Variants in LUZP2 observed in about 807,000 individuals in gnomAD.
The protein encoded by LUZP2 is leucine zipper protein 2.
LUZP2 carries 52 observed loss-of-function variants against 51.6 expected under a neutral mutation model. The ratio of observed to expected loss-of-function variants is 1.01; its 90% confidence interval spans 0.81 to 1.27. The LOEUF (loss-of-function observed/expected upper bound fraction) is 1.27, where lower values mean the gene tolerates loss of function less well. Ranked by LOEUF, LUZP2 falls within the 50% of genes most tolerant of loss-of-function variation. LUZP2 has a pLI of 0.00. For missense variants in LUZP2, 436 were observed against 395.4 expected (o/e 1.10, Z -0.87); for synonymous variants, 154 against 137.3 (o/e 1.12, Z -0.85).
chr11:24,783,336 T>C (rs1849145863), intron 5 of LUZP2, among the ~76,000 whole-genome samples: 1 of 152,022 alleles, frequency 6.6e-6, no homozygotes, highest in African/African-American at 2.4e-5. Flanking sequence ...GCTTTCAATA[T>C]AATTACACTT....
At chr11:24,627,620 G>A (rs1590262769) in intron 1 of LUZP2, among the ~76,000 whole-genome samples, 1 of 152,208 alleles carries the variant, frequency 6.6e-6, no homozygotes, top group East Asian at 1.9e-4. Flanking sequence ...CTTGCAGTAT[G>A]TGAATAACCA....
chr11:24,609,103 C>T (rs1375156870), intron 1 of LUZP2, among the ~76,000 whole-genome samples: 1 of 152,074 alleles, frequency 6.6e-6, no homozygotes, highest in Non-Finnish European at 1.5e-5. Flanking sequence ...TGGAAACTAT[C>T]CCATTTGTGA....
rs1396655942 is a variant in LUZP2, at chr11:24,989,383, T to G, written c.765+6090T>G. 2.0e-5 allele frequency among the ~76,000 whole-genome samples: 3 copies of G among 152,204 alleles called. No homozygotes were observed. In the East Asian group the frequency reaches 5.8e-4, roughly 29 times the overall value. On this transcript the variant is annotated intron_variant, in intron 9 of 11. Transcript: ENST00000336930. ...TTCCTAAAGACTGTCAGTTTCTTGC[T>G]AAACTATGGCTTCTACATCTCAGGG...
At chr11:25,026,869 T>C (rs1857508350) in intron 9 of LUZP2, among the ~76,000 whole-genome samples, 3 of 136,354 alleles carry the variant, frequency 2.2e-5, no homozygotes, top group African/African-American at 9.0e-5. Flanking sequence ...TTTTTTTAAT[T>C]ATTATTTTTT....
At chr11:24,736,865 G>T (rs1858961520) in intron 3 of LUZP2, among the ~76,000 whole-genome samples, 2 of 151,928 alleles carry the variant, frequency 1.3e-5, no homozygotes, top group Admixed American at 1.3e-4. Context: ...ACCCAAGAAG[G>T]CATAAATCAT....
At chr11:24,742,292 G>T (rs1859211248) in intron 4 of LUZP2, among the ~76,000 whole-genome samples, 2 of 151,600 alleles carry the variant, frequency 1.3e-5, no homozygotes, top group South Asian at 2.1e-4. Flanking sequence ...TTTCCACAGT[G>T]GCTGTACTAG....
At chr11:24,891,572 T>G (rs1185446157) in intron 5 of LUZP2, 8 of 881,792 alleles carry the variant, frequency 9.1e-6, no homozygotes, top group Non-Finnish European at 9.5e-6. Flanking sequence ...ATGTTGTTGA[T>G]TGAAGAAAAA....
intron 5 of LUZP2, among the ~76,000 whole-genome samples, chr11:24,770,953 C>CA (rs5790436): frequency 0.59 from 89,552 of 151,926 alleles, 26,817 homozygotes; most frequent in Non-Finnish European, 0.66. Context: ...CAGGCTCCAG[C>CA]ACCACACACC....
intron 1 of LUZP2, among the ~76,000 whole-genome samples, chr11:24,529,024 T>G (rs981932308): frequency 6.6e-6 from 1 of 151,036 alleles, no homozygotes; most frequent in Non-Finnish European, 1.5e-5. Context: ...AAACCTATCC[T>G]CTGTCTCACC....
At chr11:24,747,298 G>T (rs752254480) in intron 4 of LUZP2, among the ~76,000 whole-genome samples, 154 of 152,154 alleles carry the variant, frequency 1.0e-3, no homozygotes, top group Non-Finnish European at 2.0e-3. Context: ...GAGCCTAGCT[G>T]CAGTGATTGT....
chr11:24,717,343 G>A lies in LUZP2; in HGVS notation c.63-11826G>A, dbSNP rs374680284. Among the ~76,000 whole-genome samples the A allele has an allele frequency of 6.6e-5, 10 of 151,536 alleles. No individual in the cohort carries two copies. In the South Asian group the frequency reaches 1.9e-3, roughly 28 times the overall value. Reference sequence around the variant, plus strand: ...AGTACATGTGGAGGTTTGTTACATAGGTGAACTCATGCCATGGGGGTTTGT... The same window carrying A: ...AGTACATGTGGAGGTTTGTTACATAAGTGAACTCATGCCATGGGGGTTTGT... On this transcript the variant is annotated intron_variant, in intron 1 of 11. Coordinates refer to ENST00000336930, the MANE Select transcript of LUZP2 (RefSeq NM_001009909.4).
At chr11:24,581,750 G>A (rs1351062118) in intron 1 of LUZP2, among the ~76,000 whole-genome samples, 1 of 150,574 alleles carries the variant, frequency 6.6e-6, no homozygotes, top group African/African-American at 2.4e-5. Flanking sequence ...AACCTTCATT[G>A]AGGATTTATT....
chr11:24,737,197 G>A (rs12099080), intron 3 of LUZP2, among the ~76,000 whole-genome samples: 6,179 of 152,078 alleles, frequency 0.041, 382 homozygotes, highest in African/African-American at 0.13. Flanking sequence ...CTTTGCTTAC[G>A]TTCTGTCGTC....
At chr11:24,916,773 T>C (rs1158609919) in intron 7 of LUZP2, among the ~76,000 whole-genome samples, 1 of 152,204 alleles carries the variant, frequency 6.6e-6, no homozygotes, top group African/African-American at 2.4e-5. Flanking sequence ...TTTGCTATTG[T>C]GAATAGTGAT....
intron 9 of LUZP2, among the ~76,000 whole-genome samples, chr11:24,986,695 AAAGG>A (rs1359195577): frequency 6.6e-6 from 1 of 151,662 alleles, no homozygotes; most frequent in Non-Finnish European, 1.5e-5. Context: ...TAATAAACAA[AAAGG>A]CTTGTGTAAT....
At chr11:24,742,316 C>T (rs1389024357) in intron 4 of LUZP2, among the ~76,000 whole-genome samples, 1 of 151,674 alleles carries the variant, frequency 6.6e-6, no homozygotes, top group Non-Finnish European at 1.5e-5. Context: ...ACATTCCCAC[C>T]AGCAGTGCGA....
At chr11:25,054,375 A>G (rs1157633377) in intron 10 of LUZP2, among the ~76,000 whole-genome samples, 3 of 152,138 alleles carry the variant, frequency 2.0e-5, no homozygotes, top group Non-Finnish European at 4.4e-5. Context: ...CTTTTGATAT[A>G]TCTAAAGAAT....
intron 1 of LUZP2, among the ~76,000 whole-genome samples, chr11:24,515,978 C>T (rs536325191): frequency 1.3e-5 from 2 of 152,238 alleles, no homozygotes; most frequent in South Asian, 4.2e-4. Flanking sequence ...AAAGGAGGCC[C>T]TGATTATGCT....
rs141243498 is a variant in LUZP2 at position 24,854,804 on chromosome 11, T to C, written c.397-51187T>C. Among the ~76,000 whole-genome samples, 280 of 152,232 alleles carry C rather than the reference T, an allele frequency of 1.8e-3. 1 individual carries two copies. The East Asian group carries it at 0.021, about 11-fold the overall frequency. Reference sequence around the variant, plus strand: ...CCGGGTCTGCAGGTTGCAAAGCCCATGGGAAAAACATAATATCTGGGCTGG... The same window carrying C: ...CCGGGTCTGCAGGTTGCAAAGCCCACGGGAAAAACATAATATCTGGGCTGG... On this transcript the variant is annotated intron_variant, in intron 5 of 11. Coordinates refer to ENST00000336930, the MANE Select transcript of LUZP2 (RefSeq NM_001009909.4).
Sources: allele counts gnomAD v4.1 joint callset (sites outside exome capture counted in the v4.1 genomes callset), GRCh38; gene constraint gnomAD v4.1.1; transcripts MANE v1.5; gene names NCBI Gene and HGNC (gene_info 2026-07-23, HGNC 2026-07-21).